ARHGAP22: variants seen among roughly 807,000 people sequenced by gnomAD.
ARHGAP22 encodes Rho GTPase activating protein 22.
Under a neutral mutation model 59.1 loss-of-function variants are expected in ARHGAP22, and 48 were observed. The ratio of observed to expected loss-of-function variants is 0.81; its 90% CI spans 0.64 to 1.03. ARHGAP22 has a LOEUF of 1.03. Ranked by LOEUF, ARHGAP22 falls within the 50% of genes least tolerant of loss-of-function variation. The pLI is 0.00. For synonymous variants in ARHGAP22, 445 were observed against 416.4 expected, an observed-to-expected ratio of 1.07 and a Z score of -0.84; for missense variants, 1,015 against 958.7, an observed-to-expected ratio of 1.06 and a Z score of -0.78.
intron 1 of ARHGAP22, among the ~76,000 whole-genome samples, chr10:48,588,260 T>C (rs2059548264): frequency 6.6e-6 from 1 of 152,148 alleles, no homozygotes; most frequent in Non-Finnish European, 1.5e-5. Flanking sequence ...GGGTTCCACC[T>C]GCCCCACCCT....
At chr10:48,466,739 C>T (rs1161144539) in intron 4 of ARHGAP22, 1 of 149,702 alleles carries the variant, frequency 6.7e-6, no homozygotes, top group Non-Finnish European at 1.5e-5. Context: ...TAGCGTCTTG[C>T]CCGCCGCCCG....
intron 1 of ARHGAP22, among the ~76,000 whole-genome samples, chr10:48,615,924 G>A (rs2061062268): frequency 6.6e-6 from 1 of 150,494 alleles, no homozygotes; most frequent in African/African-American, 2.4e-5. Context: ...TGTGAAGAAG[G>A]TCAAATGAAA....
chr10:48,456,296 A>G (rs954206926), intron 5 of ARHGAP22, among the ~76,000 whole-genome samples: 7 of 152,146 alleles, frequency 4.6e-5, no homozygotes, highest in Non-Finnish European at 8.8e-5. Context: ...TCTGGCCCTG[A>G]CATTTGGGAT....
chr10:48,643,898 A>G (rs915084689), intron 1 of ARHGAP22, among the ~76,000 whole-genome samples: 2 of 152,188 alleles, frequency 1.3e-5, no homozygotes, highest in African/African-American at 4.8e-5. Flanking sequence ...CTGTAATCCC[A>G]GCACTTGGGG....
chr10:48,524,186 C>A, intron 3 of ARHGAP22: 1 of 1,040,638 alleles, frequency 9.6e-7, no homozygotes, highest in East Asian at 5.7e-5. Flanking sequence ...GAGGTCCGGC[C>A]CACGGGCAGT....
At chr10:48,537,167 C>T (rs1220305780) in intron 3 of ARHGAP22, among the ~76,000 whole-genome samples, 1 of 152,264 alleles carries the variant, frequency 6.6e-6, no homozygotes, top group Non-Finnish European at 1.5e-5. Context: ...AGAAATCCTT[C>T]TGGTTTCCAC....
chr10:48,500,615 C>T (rs886986917), intron 3 of ARHGAP22, among the ~76,000 whole-genome samples: 1 of 151,958 alleles, frequency 6.6e-6, no homozygotes, highest in East Asian at 1.9e-4. Context: ...AGGCCAGGCG[C>T]CGTAGTTCAC....
chr10:48,640,020 T>C (rs755907972), intron 1 of ARHGAP22, among the ~76,000 whole-genome samples: 8 of 152,158 alleles, frequency 5.3e-5, no homozygotes, highest in Non-Finnish European at 8.8e-5. Context: ...TTCAATGAGA[T>C]AGAAAATATT....
intron 1 of ARHGAP22, among the ~76,000 whole-genome samples, chr10:48,597,627 T>C (rs933765003): frequency 1.3e-5 from 2 of 152,192 alleles, no homozygotes; most frequent in Non-Finnish European, 2.9e-5. Context: ...AGGCCCTGTT[T>C]CTTGCTCCCG....
intron 3 of ARHGAP22, among the ~76,000 whole-genome samples, chr10:48,548,541 A>G (rs928703921): frequency 1.3e-5 from 2 of 152,104 alleles, no homozygotes; most frequent in African/African-American, 2.4e-5. Flanking sequence ...CTCACCAAAC[A>G]TGGCCGTTTT....
intron 1 of ARHGAP22, among the ~76,000 whole-genome samples, chr10:48,622,411 C>G (rs2061315415): frequency 6.6e-6 from 1 of 151,792 alleles, no homozygotes. Flanking sequence ...TGAGCACCCT[C>G]TTTTTGCTTT....
chr10:48,614,912 A>C (rs3844493), intron 1 of ARHGAP22, among the ~76,000 whole-genome samples: 84,622 of 152,100 alleles, frequency 0.56, 24,021 homozygotes, highest in African/African-American at 0.67. Flanking sequence ...CTCACCTAAC[A>C]CAGAACTCTT....
intron 1 of ARHGAP22, among the ~76,000 whole-genome samples, chr10:48,597,560 G>A (rs17010927): frequency 0.031 from 4,705 of 152,228 alleles, 232 homozygotes; most frequent in African/African-American, 0.1. Flanking sequence ...ACTGTGGTGA[G>A]GATGAAATCA....
At chr10:48,527,657 C>T (rs148912710) in intron 3 of ARHGAP22, among the ~76,000 whole-genome samples, 2 of 152,284 alleles carry the variant, frequency 1.3e-5, no homozygotes, top group East Asian at 1.9e-4. Flanking sequence ...TCATGGGCTG[C>T]GACTGGCAAA....
At position 48,544,140 on chromosome 10, in the gene ARHGAP22, G is replaced by T. The variant is rs558324640; in HGVS notation, c.322+11323C>A. Among the ~76,000 whole-genome samples, 38 of 152,166 alleles carry T rather than the reference G, an allele frequency of 2.5e-4. 1 individual carries two copies. The highest frequency in any genetic ancestry group is 6.8e-3 in the Middle Eastern group (2 of 294). The stretch of plus-strand genomic sequence containing the variant: ...TCCGTCAAAAAAAAAAAAGAGAAAG[G>T]ACTGGGTGGGGTCAGGGGAGAAACT... On this transcript the variant is annotated intron_variant, in intron 3 of 9. Transcript: ENST00000249601.
intron 5 of ARHGAP22, among the ~76,000 whole-genome samples, chr10:48,458,512 G>C (rs1323211190): frequency 6.6e-6 from 1 of 152,144 alleles, no homozygotes; most frequent in Non-Finnish European, 1.5e-5. Flanking sequence ...GCCACTCCAG[G>C]GAGCCCCAGC....
At chr10:48,507,327 T>C (rs576889518) in intron 3 of ARHGAP22, among the ~76,000 whole-genome samples, 26 of 152,322 alleles carry the variant, frequency 1.7e-4, no homozygotes, top group African/African-American at 5.8e-4. Flanking sequence ...AGGGCCTTAC[T>C]TGGGGCTTGC....
At chr10:48,533,388 G>C (rs548543135) in intron 3 of ARHGAP22, among the ~76,000 whole-genome samples, 124 of 152,144 alleles carry the variant, frequency 8.2e-4, no homozygotes, top group African/African-American at 2.9e-3. Flanking sequence ...AAAATTTAAA[G>C]CCTGGCTTTG....
upstream of ARHGAP22, among the ~76,000 whole-genome samples, chr10:48,609,410 T>C (rs1399452012): frequency 6.6e-6 from 1 of 152,214 alleles, no homozygotes; most frequent in East Asian, 1.9e-4. Flanking sequence ...TAAGCTCATT[T>C]CCCTTTTCTG....
Sources: allele counts gnomAD v4.1 joint callset (sites outside exome capture counted in the v4.1 genomes callset), GRCh38; gene constraint gnomAD v4.1.1; transcripts MANE v1.5; gene names NCBI Gene and HGNC (gene_info 2026-07-23, HGNC 2026-07-21).